PRKD1: variants seen among roughly 807,000 people sequenced by gnomAD.
PRKD1 encodes the protein serine/threonine-protein kinase D1.
Under a neutral mutation model 95.9 loss-of-function variants are expected in PRKD1, and 63 were observed. The observed-to-expected ratio is 0.66, with a 90% CI of 0.54 to 0.81. The LOEUF is 0.81. Ranked by LOEUF, PRKD1 falls within the 30% of genes least tolerant of loss-of-function variation. PRKD1 has a pLI of 0.00. For synonymous variants in PRKD1, 425 were observed against 423.1 expected (o/e 1.00, Z -0.05); for missense variants, 1,048 against 1,165.3 (o/e 0.90, Z 1.47).
At chr14:29,802,044 G>A (rs541693471) in intron 1 of PRKD1, among the ~76,000 whole-genome samples, 1 of 152,114 alleles carries the variant, frequency 6.6e-6, no homozygotes, top group South Asian at 2.1e-4. Flanking sequence ...CTGGCAAATA[G>A]TATATGTTTC....
Position 29,855,037 on chromosome 14 carries a change from C to A in PRKD1, c.264+72212G>T, listed in dbSNP as rs1305374064. Among the ~76,000 whole-genome samples, 4 of 152,214 alleles carry A rather than the reference C, an allele frequency of 2.6e-5. No individual in the cohort carries two copies. In the South Asian group the frequency reaches 6.2e-4, roughly 24 times the overall value. ...CCCAGGCAGAAGTTTGCTGCAGGGG[C>A]AGGGCCCTCATTGAGAAACTCTGCT... On this transcript the variant is annotated intron_variant, in intron 1 of 17. Transcript: ENST00000331968.
chr14:29,842,868 G>A (rs1028971076), intron 1 of PRKD1, among the ~76,000 whole-genome samples: 1 of 152,074 alleles, frequency 6.6e-6, no homozygotes, highest in Non-Finnish European at 1.5e-5. Context: ...TGTGGGGAGC[G>A]GGTATAGCAG....
At chr14:29,640,357 A>C (rs954374322) in intron 4 of PRKD1, among the ~76,000 whole-genome samples, 5 of 152,210 alleles carry the variant, frequency 3.3e-5, no homozygotes, top group African/African-American at 1.2e-4. Context: ...CCCTATCTGT[A>C]CCAAAAGGTT....
intron 1 of PRKD1, among the ~76,000 whole-genome samples, chr14:29,791,533 T>C (rs148277114): frequency 3.8e-4 from 58 of 152,274 alleles, no homozygotes; most frequent in Admixed American, 8.5e-4. Flanking sequence ...TTCCTCACCA[T>C]AGATTAAACT....
chr14:29,661,891 T>C (rs1178402468), intron 4 of PRKD1, among the ~76,000 whole-genome samples: 1 of 152,214 alleles, frequency 6.6e-6, no homozygotes, highest in Non-Finnish European at 1.5e-5. Flanking sequence ...AAGTCTAATT[T>C]TAAAAATGTG....
At chr14:29,760,332 A>C (rs536616665) in intron 1 of PRKD1, among the ~76,000 whole-genome samples, 1 of 147,400 alleles carries the variant, frequency 6.8e-6, no homozygotes, top group African/African-American at 2.5e-5. Context: ...AAGTCTCACT[A>C]TCTGAAATTT....
At chr14:29,624,729 T>A (rs577490252) in intron 12 of PRKD1, among the ~76,000 whole-genome samples, 1 of 152,252 alleles carries the variant, frequency 6.6e-6, no homozygotes, top group East Asian at 1.9e-4. Context: ...GAATTTTAGG[T>A]TCCTCATCTA....
chr14:29,684,855 A>G (rs1169367679), intron 2 of PRKD1, among the ~76,000 whole-genome samples: 1 of 152,032 alleles, frequency 6.6e-6, no homozygotes. Context: ...AAGGCATGCA[A>G]TTTTTCCAGT....
At chr14:29,615,158 G>A (rs1046602312) in intron 13 of PRKD1, among the ~76,000 whole-genome samples, 1 of 151,846 alleles carries the variant, frequency 6.6e-6, no homozygotes, top group Non-Finnish European at 1.5e-5. Context: ...AAAATGTACT[G>A]TTGTTAAAGA....
At chr14:29,894,827 A>C (rs576239638) in intron 1 of PRKD1, among the ~76,000 whole-genome samples, 21 of 152,350 alleles carry the variant, frequency 1.4e-4, no homozygotes, top group Non-Finnish European at 1.9e-4. Flanking sequence ...TGATCAGAAG[A>C]AGCACAGAAG....
chr14:29,676,180 T>TTC (rs1371790634), intron 2 of PRKD1, among the ~76,000 whole-genome samples: 1 of 116,704 alleles, frequency 8.6e-6, no homozygotes, highest in African/African-American at 4.1e-5. Context: ...TCATTACGTT[T>TTC]TTGTTTTTTT....
chr14:29,636,245 G>A, intron 7 of PRKD1, 45 bp downstream of exon 7: 1 of 1,604,684 alleles, frequency 6.2e-7, no homozygotes, highest in South Asian at 1.1e-5. Context: ...AGAAAATACT[G>A]CCTGGGGTTC....
chr14:29,856,402 C>T (rs1391805329), intron 1 of PRKD1, among the ~76,000 whole-genome samples: 1 of 152,108 alleles, frequency 6.6e-6, no homozygotes, highest in Non-Finnish European at 1.5e-5. Context: ...AAAGGTTTGC[C>T]ATGGTCCCCA....
At chr14:29,722,615 A>G (rs1323017009) in intron 2 of PRKD1, among the ~76,000 whole-genome samples, 3 of 152,208 alleles carry the variant, frequency 2.0e-5, no homozygotes, top group Non-Finnish European at 4.4e-5. Flanking sequence ...TGAGAACCTC[A>G]TATCTATGGA....
chr14:29,643,463 G>T (rs1487602392), intron 4 of PRKD1, among the ~76,000 whole-genome samples: 1 of 152,082 alleles, frequency 6.6e-6, no homozygotes, highest in Non-Finnish European at 1.5e-5. Context: ...GCCAAAGCTG[G>T]AACTCTGTGC....
chr14:29,761,969 A>G (rs1355020626), intron 1 of PRKD1, among the ~76,000 whole-genome samples: 1 of 151,866 alleles, frequency 6.6e-6, no homozygotes, highest in African/African-American at 2.4e-5. Flanking sequence ...ATGGGGTCTC[A>G]CTATGTTCCC....
intron 1 of PRKD1, among the ~76,000 whole-genome samples, chr14:29,732,527 A>T (rs895193882): frequency 6.6e-6 from 1 of 152,140 alleles, no homozygotes; most frequent in Non-Finnish European, 1.5e-5. Context: ...TGTTTAAAAT[A>T]AAAAAGTATC....
intron 1 of PRKD1, among the ~76,000 whole-genome samples, chr14:29,835,673 C>A (rs746365838): frequency 1.1e-4 from 16 of 152,100 alleles, no homozygotes; most frequent in Non-Finnish European, 1.9e-4. Flanking sequence ...TGGGTTCAAG[C>A]GATTCTCCTG....
At chr14:29,808,007 C>T (rs796320066) in intron 1 of PRKD1, among the ~76,000 whole-genome samples, 11 of 152,204 alleles carry the variant, frequency 7.2e-5, no homozygotes, top group African/African-American at 2.6e-4. Flanking sequence ...CAGGAGTGAG[C>T]CACCGTGCCT....
Sources: allele counts gnomAD v4.1 joint callset (sites outside exome capture counted in the v4.1 genomes callset), GRCh38; gene constraint gnomAD v4.1.1; transcripts MANE v1.5; gene names NCBI Gene and HGNC (gene_info 2026-07-23, HGNC 2026-07-21).